GRIK2: variants seen among roughly 807,000 people sequenced by gnomAD.
GRIK2 encodes glutamate ionotropic receptor kainate type subunit 2.
Under a neutral mutation model 100.3 loss-of-function variants are expected in GRIK2, and 32 were observed. The observed-to-expected ratio is 0.32, with a 90% CI of 0.24 to 0.43. The LOEUF (loss-of-function observed/expected upper bound fraction) is 0.43. GRIK2 is among the 20% of genes least tolerant of loss of function. The probability of loss-of-function intolerance (pLI) is 1.00; values close to 1 mark genes in which losing one functional copy is unlikely to be tolerated. For synonymous variants in GRIK2, 417 were observed against 389.4 expected (o/e 1.07, Z -0.83); for missense variants, 843 against 1,114.9 (o/e 0.76, Z 3.47).
At chr6:101,976,410 T>C (rs1207366401) in intron 14 of GRIK2, among the ~76,000 whole-genome samples, 1 of 151,968 alleles carries the variant, frequency 6.6e-6, no homozygotes, top group Non-Finnish European at 1.5e-5. Flanking sequence ...TAAAGTGTTC[T>C]GTGCATCTGG....
intron 7 of GRIK2, among the ~76,000 whole-genome samples, chr6:101,708,888 G>T (rs1773516855): frequency 6.6e-6 from 1 of 151,654 alleles, no homozygotes; most frequent in Non-Finnish European, 1.5e-5. Flanking sequence ...ATTTCAATTG[G>T]AAATAGGGTC....
rs9498602 is a variant in GRIK2, at chr6:101,501,116, A to G, written c.115+101724A>G. 2.9e-3 allele frequency among the ~76,000 whole-genome samples: 436 copies of G among 152,234 alleles called. 3 individuals carry two copies. Among genetic ancestry groups the G allele is most frequent in the African/African-American group, 0.01 (425 of 41,526 alleles). ...TTGAGAACCAAATCCCTTGACAAGCATATAAGAACCATCTACAACAAAATA... is the reference window on the plus strand; with the variant it reads ...TTGAGAACCAAATCCCTTGACAAGCGTATAAGAACCATCTACAACAAAATA... On this transcript the variant is annotated intron_variant, in intron 2 of 16. Coordinates refer to ENST00000369134, the MANE Select transcript of GRIK2 (RefSeq NM_021956.5).
chr6:101,691,667 T>G (rs1772108049), intron 7 of GRIK2, among the ~76,000 whole-genome samples: 1 of 152,116 alleles, frequency 6.6e-6, no homozygotes, highest in African/African-American at 2.4e-5. Flanking sequence ...CCATTCTTTT[T>G]ACAAAGGAAG....
At chr6:101,790,496 T>A (rs1313657741) in intron 7 of GRIK2, among the ~76,000 whole-genome samples, 1 of 150,346 alleles carries the variant, frequency 6.7e-6, no homozygotes, top group Non-Finnish European at 1.5e-5. Flanking sequence ...TCTGTTTATA[T>A]GCTGGATTAC....
At chr6:101,820,933 A>T (rs1467771662) in intron 10 of GRIK2, among the ~76,000 whole-genome samples, 1 of 152,170 alleles carries the variant, frequency 6.6e-6, no homozygotes, top group Non-Finnish European at 1.5e-5. Flanking sequence ...TTAATTAAAA[A>T]ACTATGTATG....
At chr6:101,445,893 A>G (rs1484978431) in intron 2 of GRIK2, among the ~76,000 whole-genome samples, 1 of 152,046 alleles carries the variant, frequency 6.6e-6, no homozygotes, top group Non-Finnish European at 1.5e-5. Context: ...GGACATTGCA[A>G]ATACTTAGTG....
At chr6:101,663,066 C>A (rs1393856519) in intron 4 of GRIK2, among the ~76,000 whole-genome samples, 1 of 152,028 alleles carries the variant, frequency 6.6e-6, no homozygotes, top group Non-Finnish European at 1.5e-5. Context: ...TTGGCATTCC[C>A]ACCAGGACAT....
intron 10 of GRIK2, among the ~76,000 whole-genome samples, chr6:101,858,534 C>A (rs1282015151): frequency 6.6e-6 from 1 of 150,694 alleles, no homozygotes; most frequent in Non-Finnish European, 1.5e-5. Context: ...CTACAGGCGC[C>A]CGCCACTACG....
At chr6:101,794,355 T>G (rs1370521128) in intron 7 of GRIK2, among the ~76,000 whole-genome samples, 1 of 151,880 alleles carries the variant, frequency 6.6e-6, no homozygotes, top group Non-Finnish European at 1.5e-5. Flanking sequence ...CATCTTGGCT[T>G]CTCCCCGAGA....
At chr6:101,578,045 C>T (rs368925002) in intron 2 of GRIK2, among the ~76,000 whole-genome samples, 5 of 152,126 alleles carry the variant, frequency 3.3e-5, no homozygotes, top group African/African-American at 9.7e-5. Context: ...CTTCACCTCA[C>T]GTTCTCCCTT....
chr6:101,982,244 G>A (rs747037065), intron 14 of GRIK2, among the ~76,000 whole-genome samples: 39 of 151,762 alleles, frequency 2.6e-4, no homozygotes, highest in Non-Finnish European at 5.0e-4. Flanking sequence ...CTTTTAGAAG[G>A]CAAATACTGT....
chr6:101,611,732 A>C (rs1447142782), intron 2 of GRIK2, among the ~76,000 whole-genome samples: 1 of 151,804 alleles, frequency 6.6e-6, no homozygotes, highest in Non-Finnish European at 1.5e-5. Context: ...CCTCGCCTGG[A>C]AAATGAGTAC....
intron 14 of GRIK2, among the ~76,000 whole-genome samples, chr6:101,968,638 A>G (rs1051898877): frequency 2.6e-5 from 4 of 152,060 alleles, no homozygotes; most frequent in African/African-American, 7.2e-5. Context: ...GGCTGAGAAC[A>G]TAAAGATACA....
chr6:101,577,973 G>T (rs1219717638), intron 2 of GRIK2, among the ~76,000 whole-genome samples: 1 of 152,040 alleles, frequency 6.6e-6, no homozygotes. Flanking sequence ...CACAAACTTG[G>T]CTCCCAGCAT....
Position 101,528,690 on chromosome 6 carries a change from A to G in GRIK2, c.116-93259A>G, listed in dbSNP as rs1775274539. Among the ~76,000 whole-genome samples the G allele has an allele frequency of 2.6e-5, 4 of 152,156 alleles. No individual in the cohort carries two copies. In the South Asian group the frequency reaches 8.3e-4, roughly 31 times the overall value. On this transcript the variant is annotated intron_variant, in intron 2 of 16. Transcript: ENST00000369134. ...GGGTCCTAGTGTTCAATTAGAACTGAACAGAGATCACACATAAAACAATAA... is the reference window on the plus strand; with the variant it reads ...GGGTCCTAGTGTTCAATTAGAACTGGACAGAGATCACACATAAAACAATAA...
chr6:101,916,362 A>G (rs1284233481), intron 12 of GRIK2, among the ~76,000 whole-genome samples: 1 of 151,454 alleles, frequency 6.6e-6, no homozygotes, highest in Non-Finnish European at 1.5e-5. Context: ...TAATTATTGA[A>G]TGCTCTCAGT....
At chr6:101,989,306 A>G (rs955272186) in intron 14 of GRIK2, among the ~76,000 whole-genome samples, 1 of 151,866 alleles carries the variant, frequency 6.6e-6, no homozygotes, top group Non-Finnish European at 1.5e-5. Context: ...ATATCCTTGC[A>G]AATAGTCCAC....
intron 7 of GRIK2, among the ~76,000 whole-genome samples, chr6:101,797,480 C>T (rs1471773021): frequency 6.6e-6 from 1 of 150,462 alleles, no homozygotes; most frequent in Non-Finnish European, 1.5e-5. Context: ...TTTTATTATA[C>T]TATTATTCAG....
intron 2 of GRIK2, among the ~76,000 whole-genome samples, chr6:101,607,629 G>A (rs527733075): frequency 2.0e-5 from 3 of 151,978 alleles, no homozygotes; most frequent in East Asian, 3.9e-4. Context: ...AGTAGTTTAA[G>A]CATTCTAGAA....
Sources: allele counts gnomAD v4.1 joint callset (sites outside exome capture counted in the v4.1 genomes callset), GRCh38; gene constraint gnomAD v4.1.1; transcripts MANE v1.5; gene names NCBI Gene and HGNC (gene_info 2026-07-23, HGNC 2026-07-21).